The following TPO variants were observed in gnomAD, a reference collection of about 807,000 sequenced individuals.
The protein encoded by TPO is thyroid peroxidase.
A neutral mutation model predicts 96.9 loss-of-function variants in TPO; 78 were observed. The ratio of observed to expected loss-of-function variants is 0.81; its 90% CI spans 0.67 to 0.97. The LOEUF is 0.97. Ranked by LOEUF, TPO falls within the 50% of genes least tolerant of loss-of-function variation. The probability of loss-of-function intolerance (pLI) is 0.00; values close to 1 mark genes in which losing one functional copy is unlikely to be tolerated. For synonymous variants in TPO, 547 were observed against 538.0 expected (o/e 1.02, Z -0.23); for missense variants, 1,252 against 1,274.8 (o/e 0.98, Z 0.27).
At chr2:1,542,151 C>G in intron 16 of TPO, 1 of 574,466 alleles carries the variant, frequency 1.7e-6, no homozygotes, top group Non-Finnish European at 3.1e-6. Flanking sequence ...ACGGCTTCTT[C>G]CTGAAGGACC....
chr2:1,478,184 G>T (rs1314352299), intron 8 of TPO: 1 of 985,336 alleles, frequency 1.0e-6, no homozygotes, highest in Non-Finnish European at 1.2e-6. Context: ...AGTATCACAT[G>T]AGAGGGTCTT....
intron 11 of TPO, among the ~76,000 whole-genome samples, 165 bp downstream of exon 11, chr2:1,494,204 G>T (rs985197736): frequency 6.6e-6 from 1 of 152,218 alleles, no homozygotes; most frequent in African/African-American, 2.4e-5. Context: ...CTTTAACCTA[G>T]AACAGTGTTT....
intron 2 of TPO, among the ~76,000 whole-genome samples, chr2:1,417,136 G>A (rs765017692): frequency 1.3e-5 from 2 of 152,246 alleles, no homozygotes; most frequent in Admixed American, 1.3e-4. Context: ...CTTGAAGCTC[G>A]ATGATAAGTA....
At chr2:1,459,881 T>G (rs1391934583) in intron 7 of TPO, among the ~76,000 whole-genome samples, 2 of 151,726 alleles carry the variant, frequency 1.3e-5, no homozygotes, top group East Asian at 3.9e-4. Flanking sequence ...CAGAGCCCCC[T>G]CACCAGGGCG....
chr2:1,477,556 G>A lies in TPO; in HGVS notation c.1290G>A (p.Ala430=). 2.6e-6 allele frequency: 4 copies of A among 1,536,396 alleles called. No homozygotes were observed. The highest frequency in any genetic ancestry group is 3.5e-6 in the Non-Finnish European group (4 of 1,146,852). The change falls in exon 8 of 17, where the codon GCG becomes GCA. Residue 430 remains alanine, a synonymous_variant. Transcript: ENST00000329066. ...ALKALNAHWS[A]DAVYQEARKV... is the part of the protein sequence containing the mutation. ...AGGCCCTCAATGCGCACTGGAGCGC[G>A]GACGCCGTGTACCAGGAGGCGCGCA...
chr2:1,428,066 C>A (rs1013495447), intron 3 of TPO, among the ~76,000 whole-genome samples: 1 of 152,172 alleles, frequency 6.6e-6, no homozygotes, highest in Non-Finnish European at 1.5e-5. Flanking sequence ...GGGCTCTTCA[C>A]ATTAAGAATG....
At chr2:1,529,701 GCGTGCAACCTCCTCAAATCCCCCCAC>G (rs1677578731) in intron 15 of TPO, among the ~76,000 whole-genome samples, 2 of 32,196 alleles carry the variant, frequency 6.2e-5, no homozygotes, top group African/African-American at 1.6e-4. Context: ...TCCCCCCACT[GCGTGCAACCTCCTCAAATCCCCCCAC>G]TGTGAGCAAT....
intron 2 of TPO, among the ~76,000 whole-genome samples, chr2:1,415,787 T>A (rs752395380): frequency 1.3e-5 from 2 of 152,196 alleles, no homozygotes; most frequent in African/African-American, 2.4e-5. Flanking sequence ...TCACAGAATC[T>A]GGAGTCCTCG....
intron 5 of TPO, 126 bp from the exon 6 acceptor site, chr2:1,453,568 T>G: frequency 2.7e-6 from 4 of 1,470,570 alleles, no homozygotes; most frequent in Non-Finnish European, 3.8e-6. Flanking sequence ...TCTGGGGAGC[T>G]GTGCCCCTTG....
intron 13 of TPO, among the ~76,000 whole-genome samples, chr2:1,502,886 C>T (rs956038473): frequency 2.0e-5 from 3 of 152,228 alleles, no homozygotes; most frequent in East Asian, 1.9e-4. Flanking sequence ...AAGCCTCCCC[C>T]GGGGTTAGGA....
intron 2 of TPO, among the ~76,000 whole-genome samples, chr2:1,416,421 C>T (rs1157833469): frequency 2.0e-5 from 3 of 152,174 alleles, no homozygotes; most frequent in African/African-American, 7.2e-5. Flanking sequence ...AGCTATTCAA[C>T]AAAATATTTA....
chr2:1,478,017 AT>A (rs753831711), intron 8 of TPO: 15 of 985,284 alleles, frequency 1.5e-5, no homozygotes, highest in Non-Finnish European at 7.2e-6. Context: ...TCATTTAATA[AT>A]TCCCAGAACA....
chr2:1,435,241 T>C (rs756415759), intron 4 of TPO, among the ~76,000 whole-genome samples: 16 of 152,208 alleles, frequency 1.1e-4, no homozygotes, highest in Non-Finnish European at 2.4e-4. Context: ...CCAATGGTTC[T>C]TTTCTATCGC....
intron 3 of TPO, among the ~76,000 whole-genome samples, chr2:1,432,423 T>C (rs1558277406): frequency 6.6e-6 from 1 of 152,204 alleles, no homozygotes; most frequent in Non-Finnish European, 1.5e-5. Context: ...TAGCTGCTGC[T>C]GCTGAGAATC....
At position 1,489,938 on chromosome 2, in the gene TPO, TCACGACAGAGCAG is replaced by T. The variant is rs1458702879; in HGVS notation, c.1768+1948_1768+1960del. On this transcript the variant is annotated intron_variant, in intron 10 of 16. Coordinates refer to ENST00000329066, the MANE Select transcript of TPO (RefSeq NM_001206744.2). ...GCTTGGTGTGAGCACACAGGAGGAG[TCACGACAGAGCAG>T]TGTAAGAGCCGCCACGTGGGTCCCA... Among the ~76,000 whole-genome samples, 56 of 114,958 alleles carry T rather than the reference TCACGACAGAGCAG, an allele frequency of 4.9e-4. 1 individual carries two copies. In the South Asian group the frequency reaches 0.01, roughly 21 times the overall value. The allele number at this position is 114,958 out of a possible 152,430, so 75.4% of individuals were successfully genotyped here.
intron 1 of TPO, among the ~76,000 whole-genome samples, chr2:1,408,022 A>T (rs1197269318): frequency 6.6e-6 from 1 of 152,234 alleles, no homozygotes; most frequent in African/African-American, 2.4e-5. Context: ...AAGGCTCTTG[A>T]ATGGAACCAG....
intron 2 of TPO, among the ~76,000 whole-genome samples, chr2:1,415,824 C>T (rs965433239): frequency 6.6e-6 from 1 of 152,210 alleles, no homozygotes; most frequent in Non-Finnish European, 1.5e-5. Flanking sequence ...CCAGCCCAGC[C>T]TCCTGCTGGG....
chr2:1,463,765 C>T (rs999218781), intron 7 of TPO, among the ~76,000 whole-genome samples: 2 of 152,162 alleles, frequency 1.3e-5, no homozygotes, highest in African/African-American at 4.8e-5. Flanking sequence ...ACCCCCCATC[C>T]ACTGCAGAAA....
At chr2:1,478,460 A>C (rs1182843664) in intron 8 of TPO, 13 of 953,250 alleles carry the variant, frequency 1.4e-5, no homozygotes, top group Non-Finnish European at 1.6e-5. Context: ...CCGAGGAGGC[A>C]CAGGGGCTGT....
Sources: gnomAD v4.1 joint callset for allele counts (sites outside exome capture counted in the v4.1 genomes callset) on GRCh38, gnomAD v4.1.1 for gene constraint, MANE v1.5 for transcripts, NCBI Gene and HGNC (gene_info 2026-07-23, HGNC 2026-07-21) for gene names.